Variants in CDH7 observed in about 807,000 individuals in gnomAD.
CDH7 encodes cadherin 7, also known as cadherin-7.
Under a neutral mutation model 71.8 loss-of-function variants are expected in CDH7, and 25 were observed. The ratio of observed to expected loss-of-function variants is 0.35; its 90% CI spans 0.25 to 0.49. The LOEUF (loss-of-function observed/expected upper bound fraction) is 0.49, where lower values mean the gene tolerates loss of function less well. Ranked by LOEUF, CDH7 falls within the 20% of genes least tolerant of loss-of-function variation. The probability of loss-of-function intolerance (pLI) is 0.99; values close to 1 mark genes in which losing one functional copy is unlikely to be tolerated. For missense variants in CDH7, 862 were observed against 974.6 expected, an observed-to-expected ratio of 0.88 and a Z score of 1.54; for synonymous variants, 381 against 363.8, an observed-to-expected ratio of 1.05 and a Z score of -0.54.
intron 11 of CDH7, among the ~76,000 whole-genome samples, chr18:65,865,049 G>A (rs1231797287): frequency 6.6e-6 from 1 of 152,052 alleles, no homozygotes; most frequent in Non-Finnish European, 1.5e-5. Flanking sequence ...ATGCCGTAAA[G>A]GAATAAGATT....
intron 4 of CDH7, among the ~76,000 whole-genome samples, chr18:65,815,105 T>C (rs564731366): frequency 5.9e-4 from 90 of 152,256 alleles, no homozygotes; most frequent in Non-Finnish European, 7.1e-4. Context: ...ATATATATTT[T>C]TTTAATTTGG....
rs182467432 is a variant in CDH7 at position 65,822,886 on chromosome 18, C to A, written c.793+638C>A. ...ACCAAGAAAAAAGAAAAAAAAAATT[C>A]TCTAGGTAGAGGTGTGCTGTTTGTA... On this transcript the variant is annotated intron_variant, in intron 5 of 11. Transcript: ENST00000397968. Among the ~76,000 whole-genome samples the A allele has an allele frequency of 2.6e-5, 4 of 151,954 alleles. No individual in the cohort carries two copies. The East Asian group carries it at 7.7e-4, about 29-fold the overall frequency.
At chr18:65,815,913 T>C (rs955714426) in intron 4 of CDH7, among the ~76,000 whole-genome samples, 2 of 152,144 alleles carry the variant, frequency 1.3e-5, no homozygotes, top group African/African-American at 4.8e-5. Flanking sequence ...GACAATATGC[T>C]CACAATCATA....
At chr18:65,839,245 A>T (rs967015908) in intron 6 of CDH7, among the ~76,000 whole-genome samples, 15 of 152,296 alleles carry the variant, frequency 9.8e-5, no homozygotes, top group Non-Finnish European at 1.8e-4. Flanking sequence ...TATATGCTGG[A>T]TGTTTAAACA....
chr18:65,817,415 T>G (rs1911760384), intron 4 of CDH7, among the ~76,000 whole-genome samples: 1 of 152,150 alleles, frequency 6.6e-6, no homozygotes, highest in South Asian at 2.1e-4. Flanking sequence ...GACTCTTCAT[T>G]TGCTGCCAGC....
At chr18:65,836,778 T>C (rs891583158) in intron 6 of CDH7, among the ~76,000 whole-genome samples, 12 of 152,204 alleles carry the variant, frequency 7.9e-5, no homozygotes, top group African/African-American at 2.9e-4. Flanking sequence ...TGCTTACACT[T>C]ATTTTACTGT....
intron 2 of CDH7, among the ~76,000 whole-genome samples, chr18:65,776,085 C>A (rs1909930583): frequency 1.3e-5 from 2 of 152,084 alleles, no homozygotes; most frequent in Non-Finnish European, 2.9e-5. Context: ...CTTTTGGTAA[C>A]TGTTTTTGAG....
intron 4 of CDH7, among the ~76,000 whole-genome samples, chr18:65,820,559 G>A (rs1045152423): frequency 1.3e-5 from 2 of 152,082 alleles, no homozygotes; most frequent in Admixed American, 1.3e-4. Flanking sequence ...ATTAGTGGGT[G>A]TTCTTCTTTC....
chr18:65,791,643 A>G lies in CDH7; in HGVS notation c.211-18061A>G, dbSNP rs79004214. Among the ~76,000 whole-genome samples the G allele has an allele frequency of 5.7e-3, 874 of 152,328 alleles. 10 individuals carry two copies. Among genetic ancestry groups the G allele is most frequent in the African/African-American group, 0.02 (852 of 41,570 alleles). ...GTGCATGAACTAGTCCAATAATGTTACAGTGTAGCAAGCTTATGTCAAGAC... is the reference window on the plus strand; with the variant it reads ...GTGCATGAACTAGTCCAATAATGTTGCAGTGTAGCAAGCTTATGTCAAGAC... On this transcript the variant is annotated intron_variant, in intron 2 of 11. Coordinates refer to ENST00000397968, the MANE Select transcript of CDH7 (RefSeq NM_004361.5).
rs1914410768 is a variant in CDH7 at position 65,887,821 on chromosome 18, T to C, written c.*6927T>C. ...TTAGTAGAGATTTCAGAATTTTTTT[T>C]CTCAAATTTAGAGGAACGAACAATT... is the stretch of plus-strand genomic sequence containing the variant. On this transcript the variant is annotated 3_prime_UTR_variant, in exon 12 of 12. Transcript: ENST00000397968. 1 of 152,188 alleles carries C rather than the reference T, an allele frequency of 6.6e-6. No individual in the cohort carries two copies. The highest frequency in any genetic ancestry group is 2.4e-5 in the African/African-American group (1 of 41,450). 9.4% of individuals were successfully genotyped at this position (152,188 alleles called of 1,614,324 possible). A position where few individuals can be genotyped will look rare whatever the true frequency, so the allele number is the denominator to read the frequency against.
chr18:65,806,365 G>A (rs1911321836), intron 2 of CDH7, among the ~76,000 whole-genome samples: 2 of 151,758 alleles, frequency 1.3e-5, no homozygotes, highest in African/African-American at 4.8e-5. Flanking sequence ...AACCCAGGCA[G>A]TAAAGGTAAG....
rs571591733 is a variant in CDH7 at position 65,852,265 on chromosome 18, T to C, written c.1236-5551T>C. ...TGGCTCAAATAGTCATGATTCTAAATCTTGGATCCAACCCCCAACTGTGAA... is the reference window on the plus strand; with the variant it reads ...TGGCTCAAATAGTCATGATTCTAAACCTTGGATCCAACCCCCAACTGTGAA... On this transcript the variant is annotated intron_variant, in intron 7 of 11. Coordinates refer to ENST00000397968, the MANE Select transcript of CDH7 (RefSeq NM_004361.5). Among the ~76,000 whole-genome samples the C allele has an allele frequency of 3.1e-3, 475 of 152,292 alleles. 6 individuals carry two copies. Among genetic ancestry groups the C allele is most frequent in the African/African-American group, 0.011 (458 of 41,560 alleles).
chr18:65,782,180 T>TTCTCTCTC (rs1568182817), intron 2 of CDH7, among the ~76,000 whole-genome samples: 1 of 138,564 alleles, frequency 7.2e-6, no homozygotes, highest in African/African-American at 3.0e-5. Flanking sequence ...CTTTCTTTCT[T>TTCTCTCTC]TCTTTCTTGA....
intron 4 of CDH7, among the ~76,000 whole-genome samples, chr18:65,820,856 A>G (rs1208889158): frequency 6.6e-6 from 1 of 152,168 alleles, no homozygotes. Flanking sequence ...TTTACTGATT[A>G]GTTGAGGGGT....
chr18:65,805,280 C>T (rs1169752993), intron 2 of CDH7, among the ~76,000 whole-genome samples: 1 of 152,114 alleles, frequency 6.6e-6, no homozygotes, highest in African/African-American at 2.4e-5. Context: ...GAATTTGCAT[C>T]GAGCTGAATT....
At chr18:65,857,650 A>G (rs934569691) in intron 7 of CDH7, among the ~76,000 whole-genome samples, 166 bp from the exon 8 acceptor site, 2 of 152,154 alleles carry the variant, frequency 1.3e-5, no homozygotes, top group African/African-American at 4.8e-5. Flanking sequence ...AAACCATCTA[A>G]TATGTGGGGA....
intron 6 of CDH7, among the ~76,000 whole-genome samples, chr18:65,831,072 C>A (rs1405464864): frequency 6.6e-6 from 1 of 151,908 alleles, no homozygotes. Flanking sequence ...ATAATACCAG[C>A]AATTCAAAGG....
chr18:65,856,073 G>A (rs1169968668), intron 7 of CDH7, among the ~76,000 whole-genome samples: 1 of 151,952 alleles, frequency 6.6e-6, no homozygotes, highest in African/African-American at 2.4e-5. Context: ...GAGTCCATTT[G>A]GCAGCACCAA....
chr18:65,814,873 C>T (rs1308985497), intron 4 of CDH7, among the ~76,000 whole-genome samples: 3 of 152,002 alleles, frequency 2.0e-5, no homozygotes, highest in South Asian at 2.1e-4. Context: ...AAGAAAATTT[C>T]GATTCTTTAC....
Sources: allele counts gnomAD v4.1 joint callset (sites outside exome capture counted in the v4.1 genomes callset), GRCh38; gene constraint gnomAD v4.1.1; transcripts MANE v1.5; gene names NCBI Gene and HGNC (gene_info 2026-07-23, HGNC 2026-07-21).